The following SLC10A7 variants were observed in gnomAD, a reference collection of about 807,000 sequenced individuals.
SLC10A7 encodes sodium/bile acid cotransporter 7.
In SLC10A7, 29 loss-of-function variants were observed where a neutral mutation model predicts 43.2. The observed-to-expected ratio is 0.67, with a 90% CI of 0.50 to 0.92. SLC10A7 has a LOEUF of 0.92. Ranked by LOEUF, SLC10A7 falls within the 40% of genes least tolerant of loss-of-function variation. The pLI is 0.00. For missense variants in SLC10A7, 295 were observed against 403.2 expected (o/e 0.73, Z 2.30); for synonymous variants, 152 against 144.8 (o/e 1.05, Z -0.35).
At chr4:146,286,928 G>C (rs985074582) in intron 9 of SLC10A7, among the ~76,000 whole-genome samples, 2 of 152,180 alleles carry the variant, frequency 1.3e-5, no homozygotes, top group African/African-American at 4.8e-5. Flanking sequence ...GGAGAGTTGA[G>C]AAAGACTGAA....
At chr4:146,402,401 T>C (rs2149817971) in intron 5 of SLC10A7, among the ~76,000 whole-genome samples, 1 of 152,088 alleles carries the variant, frequency 6.6e-6, no homozygotes. Context: ...ATGTAACCAA[T>C]CTACTGGCCC....
At chr4:146,396,978 A>C (rs1196800050) in intron 5 of SLC10A7, among the ~76,000 whole-genome samples, 1 of 152,202 alleles carries the variant, frequency 6.6e-6, no homozygotes, top group African/African-American at 2.4e-5. Flanking sequence ...TTCGGCTTTT[A>C]CAGGCCATTA....
chr4:146,432,986 C>T (rs1200494237), intron 5 of SLC10A7, among the ~76,000 whole-genome samples: 3 of 150,198 alleles, frequency 2.0e-5, no homozygotes, highest in Non-Finnish European at 4.4e-5. Flanking sequence ...TGCAGTGAGC[C>T]GAGATCACGC....
intron 5 of SLC10A7, among the ~76,000 whole-genome samples, chr4:146,415,966 T>C (rs1445289081): frequency 1.3e-5 from 2 of 152,176 alleles, no homozygotes; most frequent in African/African-American, 2.4e-5. Context: ...CTATTCCTTT[T>C]TCAATCCAAT....
At chr4:146,344,185 G>A (rs892777687) in intron 5 of SLC10A7, among the ~76,000 whole-genome samples, 8 of 151,942 alleles carry the variant, frequency 5.3e-5, no homozygotes, top group Non-Finnish European at 7.4e-5. Flanking sequence ...TGAAGTGACC[G>A]GATGCTCACG....
At chr4:146,256,548 T>C (rs752013864) in intron 11 of SLC10A7, 28 bp from the exon 12 acceptor site, 2 of 1,613,204 alleles carry the variant, frequency 1.2e-6, no homozygotes, top group South Asian at 1.1e-5. Flanking sequence ...ATGTTCAGAG[T>C]TGGACAGTAT....
At chr4:146,489,890 A>G (rs1030505419) in intron 4 of SLC10A7, among the ~76,000 whole-genome samples, 3 of 152,036 alleles carry the variant, frequency 2.0e-5, no homozygotes, top group African/African-American at 4.8e-5. Flanking sequence ...GTTAAGCCCA[A>G]AGTTTATCAA....
At chr4:146,361,864 T>G (rs992071971) in intron 5 of SLC10A7, among the ~76,000 whole-genome samples, 16 of 152,122 alleles carry the variant, frequency 1.1e-4, no homozygotes, top group Admixed American at 9.2e-4. Flanking sequence ...AATTCAGAAT[T>G]CTGTTAGAGA....
At chr4:146,345,339 C>T (rs895489367) in intron 5 of SLC10A7, among the ~76,000 whole-genome samples, 1 of 152,164 alleles carries the variant, frequency 6.6e-6, no homozygotes, top group Non-Finnish European at 1.5e-5. Flanking sequence ...GAGACTACAA[C>T]ACAGTTTCCA....
chr4:146,476,990 T>C (rs1579290039), intron 4 of SLC10A7, among the ~76,000 whole-genome samples: 1 of 151,762 alleles, frequency 6.6e-6, no homozygotes, highest in Non-Finnish European at 1.5e-5. Context: ...CTTTGTACAA[T>C]AAGCCAGTTT....
At chr4:146,403,009 A>G (rs1344105592) in intron 5 of SLC10A7, among the ~76,000 whole-genome samples, 1 of 152,202 alleles carries the variant, frequency 6.6e-6, no homozygotes, top group Non-Finnish European at 1.5e-5. Flanking sequence ...CTTCAGGAAA[A>G]TGAGAATAAT....
intron 5 of SLC10A7, among the ~76,000 whole-genome samples, chr4:146,384,835 A>C (rs1224085275): frequency 1.3e-5 from 2 of 152,156 alleles, no homozygotes; most frequent in African/African-American, 4.8e-5. Context: ...AGGAGAGATA[A>C]GAAAGGGATA....
Position 146,517,092 on chromosome 4 carries a change from G to T in SLC10A7, c.129C>A (p.Ser43=), listed in dbSNP as rs756727680. The stretch of plus-strand genomic sequence containing the variant: ...AGAATATTGTTGCAACAGCAATGTA[G>T]GATACAGTTATTTCTGGCTTCAGTG... The part of the protein sequence containing the change: ...GGPLKPEITV[S]YIAVATIFFN... The change falls in exon 2 of 12, where the codon TCC becomes TCA. Residue 43 remains serine (S), a synonymous_variant. Coordinates refer to ENST00000335472, the MANE Select transcript of SLC10A7 (RefSeq NM_001029998.6). The T allele has an allele frequency of 6.2e-7, 1 of 1,609,282 alleles. No homozygotes were observed. The highest frequency in any genetic ancestry group is 8.5e-7 in the Non-Finnish European group (1 of 1,176,882).
At chr4:146,309,102 T>G (rs1208988897) in intron 6 of SLC10A7, among the ~76,000 whole-genome samples, 1 of 152,114 alleles carries the variant, frequency 6.6e-6, no homozygotes, top group African/African-American at 2.4e-5. Flanking sequence ...TTTCCCCACT[T>G]ATAACTGGAA....
chr4:146,474,446 G>A (rs1457517110), intron 4 of SLC10A7, among the ~76,000 whole-genome samples: 1 of 152,112 alleles, frequency 6.6e-6, no homozygotes, highest in Non-Finnish European at 1.5e-5. Flanking sequence ...CAGCCATGTG[G>A]TGACAGGATA....
At chr4:146,465,765 C>T (rs1481722983) in intron 4 of SLC10A7, among the ~76,000 whole-genome samples, 1 of 152,126 alleles carries the variant, frequency 6.6e-6, no homozygotes, top group Non-Finnish European at 1.5e-5. Flanking sequence ...GCTTCCAACC[C>T]AGTCATTCTC....
intron 10 of SLC10A7, among the ~76,000 whole-genome samples, chr4:146,269,259 T>A (rs1030788663): frequency 6.6e-6 from 1 of 152,314 alleles, no homozygotes; most frequent in South Asian, 2.1e-4. Flanking sequence ...CTCTACCAAT[T>A]GAAGGTTTCT....
At chr4:146,505,024 G>A (rs556698874) in intron 3 of SLC10A7, among the ~76,000 whole-genome samples, 27 of 152,246 alleles carry the variant, frequency 1.8e-4, no homozygotes, top group Non-Finnish European at 3.7e-4. Context: ...ATCTTCTGGG[G>A]AGAACAGGTA....
intron 5 of SLC10A7, among the ~76,000 whole-genome samples, chr4:146,435,883 T>C (rs1730170631): frequency 6.6e-6 from 1 of 152,092 alleles, no homozygotes; most frequent in Non-Finnish European, 1.5e-5. Flanking sequence ...CAAATGAGTA[T>C]AGAAGCAAAT....
Sources: gnomAD v4.1 joint callset for allele counts (sites outside exome capture counted in the v4.1 genomes callset) on GRCh38, gnomAD v4.1.1 for gene constraint, MANE v1.5 for transcripts, NCBI Gene and HGNC (gene_info 2026-07-23, HGNC 2026-07-21) for gene names.